Variants in SULF2 observed in about 807,000 individuals in gnomAD.
SULF2 encodes sulfatase 2, also known as extracellular sulfatase Sulf-2.
In SULF2, 52 loss-of-function variants were observed where a neutral mutation model predicts 107.7. The observed-to-expected ratio is 0.48, with a 90% CI of 0.39 to 0.61. The LOEUF is 0.61. Ranked by LOEUF, SULF2 falls within the 20% of genes least tolerant of loss-of-function variation. SULF2 has a pLI of 0.00. For missense variants in SULF2, 993 were observed against 1,177.3 expected (o/e 0.84, Z 2.29); for synonymous variants, 460 against 464.3 (o/e 0.99, Z 0.12).
chr20:47,718,248 A>T (rs1307903517), intron 3 of SULF2, among the ~76,000 whole-genome samples: 1 of 152,178 alleles, frequency 6.6e-6, no homozygotes, highest in Non-Finnish European at 1.5e-5. Context: ...AAATAGGAAT[A>T]ATAATAATAT....
At chr20:47,751,118 G>T (rs6018669) in intron 2 of SULF2, among the ~76,000 whole-genome samples, 10,249 of 152,198 alleles carry the variant, frequency 0.067, 587 homozygotes, top group African/African-American at 0.15. Context: ...GTTTGCTGTT[G>T]GATCTCCTTT....
At chr20:47,739,203 TG>T (rs1215875289) in intron 2 of SULF2, among the ~76,000 whole-genome samples, 2 of 152,196 alleles carry the variant, frequency 1.3e-5, no homozygotes, top group Admixed American at 1.3e-4. Context: ...GTTTGTGATC[TG>T]TTAGGACAGC....
chr20:47,757,343 CA>C lies in SULF2; in HGVS notation c.20del (p.Val7GlyfsTer25). 2 of 1,599,764 alleles carry C rather than the reference CA, an allele frequency of 1.3e-6. No individual in the cohort carries two copies. The highest frequency in any genetic ancestry group is 1.7e-6 in the Non-Finnish European group (2 of 1,171,980). On this transcript the variant is annotated frameshift_variant, in exon 2 of 21. Transcript: ENST00000688720. LOFTEE classifies it high-confidence loss of function. ...ACACAGTTGCGGACAGCAAGCACAGCACGAGGCTCGGGGGGCCCATCTTCTT... is the reference window on the plus strand; with the variant it reads ...ACACAGTTGCGGACAGCAAGCACAGCCGAGGCTCGGGGGGCCCATCTTCTT... Reference protein sequence around the residue: MGPPSLVLCLLSATVFS... With the variant: MGPPSLXLCLLSATVFS...
intron 1 of SULF2, among the ~76,000 whole-genome samples, chr20:47,767,630 C>G (rs1304350175): frequency 6.6e-6 from 1 of 152,172 alleles, no homozygotes; most frequent in Non-Finnish European, 1.5e-5. Context: ...AAAAAATTAG[C>G]TGGGTGTGGT....
Position 47,672,333 on chromosome 20 carries a change from T to C in SULF2, c.1441A>G (p.Met481Val), listed in dbSNP as rs1457960632. The change falls in exon 11 of 21, where the codon ATG (methionine) becomes GTG (valine). Residue 481 changes from methionine to valine, a missense_variant. This residue lies in a region of SULF2 where 497 missense variants were observed against 544.1 expected (regional missense o/e 0.91). Transcript: ENST00000688720. The stretch of plus-strand genomic sequence containing the variant: ...AGGGCTCTGCTGCCGCCCAGCCGCA[T>C]GGGGCCCTTGCACTTATGCAGCTTC... ...KLKLHKCKGP[M>V]RLGGSRALSN... is the part of the protein sequence containing the mutation. 1.9e-6 allele frequency: 3 copies of C among 1,613,204 alleles called. No individual in the cohort carries two copies. Among genetic ancestry groups the C allele is most frequent in the Non-Finnish European group, 2.5e-6 (3 of 1,179,984 alleles).
At chr20:47,766,434 A>C (rs1156915956) in intron 1 of SULF2, among the ~76,000 whole-genome samples, 1 of 152,228 alleles carries the variant, frequency 6.6e-6, no homozygotes. Flanking sequence ...GGTCATTCAG[A>C]GGGAGGAGGG....
At chr20:47,667,320 A>G (rs2087308869) in intron 11 of SULF2, among the ~76,000 whole-genome samples, 1 of 152,070 alleles carries the variant, frequency 6.6e-6, no homozygotes, top group Non-Finnish European at 1.5e-5. Flanking sequence ...CAGGTGCTAC[A>G]CCCAGGTGGG....
Position 47,678,512 on chromosome 20 carries a change from C to CCATGCTTCTCTCCCACGGGGAT in SULF2, c.1193+163_1193+164insATCCCCGTGGGAGAGAAGCATG. 1 of 894,106 alleles carries CCATGCTTCTCTCCCACGGGGAT rather than the reference C, an allele frequency of 1.1e-6. No homozygotes were observed. Among genetic ancestry groups the CCATGCTTCTCTCCCACGGGGAT allele is most frequent in the Non-Finnish European group, 1.7e-6 (1 of 584,110 alleles). 55.4% of individuals were successfully genotyped at this position (894,106 alleles called of 1,614,324 possible). On this transcript the variant is annotated intron_variant, in intron 8 of 20. Transcript: ENST00000688720. The surrounding 1 kb of genome is among the most constrained non-coding windows in gnomAD (Gnocchi z 4.5). ...GGAAGACAGAATCTCGGAGAGGGGA[C>CCATGCTTCTCTCCCACGGGGAT]CATGCTTCTCTCCCACAGCAGGTAA...
chr20:47,689,530 C>A (rs2088126531), intron 5 of SULF2: 1 of 152,266 alleles, frequency 6.6e-6, no homozygotes, highest in Admixed American at 6.5e-5. Flanking sequence ...TTGATTGCAA[C>A]CTCAGGAGAC....
intron 2 of SULF2, 90 bp from the exon 3 acceptor site, chr20:47,737,032 C>T: frequency 1.3e-6 from 2 of 1,570,616 alleles, no homozygotes; most frequent in Non-Finnish European, 1.7e-6. Context: ...ATCCCTAGGT[C>T]TGGAGTGGGC....
intron 3 of SULF2, among the ~76,000 whole-genome samples, chr20:47,712,384 G>A (rs914813850): frequency 3.3e-5 from 5 of 152,218 alleles, no homozygotes; most frequent in Non-Finnish European, 7.3e-5. Flanking sequence ...GGCACCTCAG[G>A]TCAGATGAGA....
chr20:47,676,508 C>T lies in SULF2; in HGVS notation c.1366G>A (p.Glu456Lys). 6 of 1,607,590 alleles carry T rather than the reference C, an allele frequency of 3.7e-6. No homozygotes were observed. Among genetic ancestry groups the T allele is most frequent in the Non-Finnish European group, 5.1e-6 (6 of 1,178,222 alleles). Reference protein sequence around the residue: ...CQRAEYQTACEQLGQKWQCVE... With the variant: ...CQRAEYQTACKQLGQKWQCVE... ...AGCCTTCTTACCTGTCCCAGCTGCT[C>T]ACACGCCGTCTGGTACTCAGCACGC... The change falls in exon 10 of 21, where the codon GAG becomes AAG. Residue 456 changes from glutamate to lysine, a missense_variant. This residue lies in a region of SULF2 where 497 missense variants were observed against 544.1 expected (regional missense o/e 0.91). Coordinates refer to ENST00000688720, the MANE Select transcript of SULF2 (RefSeq NM_001387048.1).
At position 47,673,861 on chromosome 20, in the gene SULF2, A is replaced by G. The variant is rs567424924; in HGVS notation, c.1381-1468T>C. Among the ~76,000 whole-genome samples the G allele has an allele frequency of 1.3e-3, 200 of 152,364 alleles. 1 individual carries two copies. The highest frequency in any genetic ancestry group is 2.2e-3 in the Non-Finnish European group (150 of 68,032). ...CAGGTCTGATTTTTCAAGAAAAGCCAGGGCTCTGAGTTCTGCGTGAAGCCC... is the reference window on the plus strand; with the variant it reads ...CAGGTCTGATTTTTCAAGAAAAGCCGGGGCTCTGAGTTCTGCGTGAAGCCC... On this transcript the variant is annotated intron_variant, in intron 10 of 20. Coordinates refer to ENST00000688720, the MANE Select transcript of SULF2 (RefSeq NM_001387048.1).
At chr20:47,775,569 A>C (rs771653970) in intron 1 of SULF2, among the ~76,000 whole-genome samples, 1 of 152,222 alleles carries the variant, frequency 6.6e-6, no homozygotes, top group South Asian at 2.1e-4. Context: ...CCCCAACAGA[A>C]ATGTCACAAA....
At chr20:47,732,713 C>T (rs1194462823) in intron 3 of SULF2, among the ~76,000 whole-genome samples, 3 of 152,196 alleles carry the variant, frequency 2.0e-5, no homozygotes, top group East Asian at 3.9e-4. Context: ...CGTGGTGGCA[C>T]GCACCTGTAA....
chr20:47,769,394 C>T (rs1187116257), intron 1 of SULF2, among the ~76,000 whole-genome samples: 4 of 144,990 alleles, frequency 2.8e-5, no homozygotes, highest in Non-Finnish European at 6.0e-5. Context: ...GACAGGGTTT[C>T]ACCATGTTGG....
At position 47,679,717 on chromosome 20, in the gene SULF2, C is replaced by T. The variant is rs375144754; in HGVS notation, c.1065-913G>A. Among the ~76,000 whole-genome samples the T allele has an allele frequency of 1.1e-4, 17 of 152,280 alleles. No homozygotes were observed. The East Asian group carries it at 1.7e-3, about 16-fold the overall frequency. On this transcript the variant is annotated intron_variant, in intron 7 of 20. Transcript: ENST00000688720. ...GCACCTTGATTTCAGCCTAAGCAGA[C>T]GACCCTGCAGGGCTAGGCCCAGGCT...
At position 47,670,774 on chromosome 20, in the gene SULF2, TGAA is replaced by T. The variant is rs1470582856; in HGVS notation, c.1576+1421_1576+1423del. Among the ~76,000 whole-genome samples the T allele has an allele frequency of 2.1e-4, 15 of 73,156 alleles. No homozygotes were observed. The East Asian group carries it at 3.7e-3, about 18-fold the overall frequency. The allele number at this position is 73,156 out of a possible 152,430, so 48.0% of individuals were successfully genotyped here. A position where few individuals can be genotyped will look rare whatever the true frequency, so the allele number is the denominator to read the frequency against. The stretch of plus-strand genomic sequence containing the variant: ...TGGGGACAGTTGTAGTTTTGCAAGA[TGAA>T]GAGTTCATTTAGCAGATAGGTTGCG... On this transcript the variant is annotated intron_variant, in intron 11 of 20. Coordinates refer to ENST00000688720, the MANE Select transcript of SULF2 (RefSeq NM_001387048.1).
Position 47,690,183 on chromosome 20 carries a change from C to T in SULF2, c.680G>A (p.Gly227Asp). 2 of 1,564,254 alleles carry T rather than the reference C, an allele frequency of 1.3e-6. No individual in the cohort carries two copies. The highest frequency in any genetic ancestry group is 1.7e-6 in the Non-Finnish European group (2 of 1,151,310). The part of the protein sequence containing the change: ...LMVISHAAPH[G>D]PEDSAPQYSR... Reference sequence around the variant, plus strand: ...ATATTGTGGGGCTGAATCCTCAGGGCCGTGGGGGGCTGCATGGCTGATGAC... The same window carrying T: ...ATATTGTGGGGCTGAATCCTCAGGGTCGTGGGGGGCTGCATGGCTGATGAC... Residue 227 changes from glycine to aspartate, a missense_variant, in exon 5 of 21, where the codon GGC (glycine) becomes GAC (aspartate). Gly to Asp is a moderately conservative substitution (Grantham distance 94). Transcript: ENST00000688720.
Sources: allele counts gnomAD v4.1 joint callset (sites outside exome capture counted in the v4.1 genomes callset), GRCh38; gene constraint gnomAD v4.1.1; regional missense constraint gnomAD v4.1.1; non-coding constraint Gnocchi (gnomAD v3.1); transcripts MANE v1.5; gene names NCBI Gene and HGNC (gene_info 2026-07-23, HGNC 2026-07-21).